Variants in GMDS observed in about 807,000 individuals in gnomAD.
GMDS encodes GDP-mannose 4,6-dehydratase, also known as GDP-mannose 4,6 dehydratase.
A neutral mutation model predicts 49.9 loss-of-function variants in GMDS; 20 were observed. The ratio of observed to expected loss-of-function variants is 0.40; its 90% CI spans 0.28 to 0.58. The LOEUF (loss-of-function observed/expected upper bound fraction) is 0.58. Among genes scored for constraint, GMDS ranks in the 20% least tolerant of loss-of-function variants. GMDS has a pLI of 0.42. For missense variants in GMDS, 362 were observed against 481.4 expected (o/e 0.75, Z 2.32); for synonymous variants, 177 against 178.6 (o/e 0.99, Z 0.07).
At chr6:2,057,424 T>A (rs751016114) in intron 4 of GMDS, among the ~76,000 whole-genome samples, 3 of 152,238 alleles carry the variant, frequency 2.0e-5, no homozygotes, top group Non-Finnish European at 4.4e-5. Context: ...TATTTTTTAA[T>A]AGAACTTAAT....
intron 4 of GMDS, among the ~76,000 whole-genome samples, chr6:2,009,825 G>A (rs1005848369): frequency 7.9e-5 from 12 of 152,094 alleles, no homozygotes; most frequent in Admixed American, 3.9e-4. Flanking sequence ...CAAAAAACAC[G>A]TTACTGTACT....
Position 1,959,922 on chromosome 6 carries a change from C to T in GMDS, c.588G>A (p.Ala196=), listed in dbSNP as rs375958806. 5.4e-5 allele frequency: 87 copies of T among 1,611,418 alleles called. No homozygotes were observed. Among genetic ancestry groups the T allele is most frequent in the South Asian group, 1.9e-4 (17 of 90,736 alleles). ...AYWIVVNFRE[A]YNLFAVNGIL... is the part of the protein sequence containing the mutation. ...TGCCGTTCACTGCAAAGAGATTATA[C>T]GCCTCACGGAAGTTCACCACAATCC... Residue 196 remains alanine, a synonymous_variant, in exon 6 of 11, where the codon GCG becomes GCA. Coordinates refer to ENST00000380815, the MANE Select transcript of GMDS (RefSeq NM_001500.4).
At chr6:1,924,162 T>A (rs1327195219) in intron 7 of GMDS, among the ~76,000 whole-genome samples, 1 of 152,240 alleles carries the variant, frequency 6.6e-6, no homozygotes, top group Non-Finnish European at 1.5e-5. Context: ...CTTCAAAAGT[T>A]TCTGGCATAT....
chr6:2,009,290 C>T (rs181444456), intron 4 of GMDS, among the ~76,000 whole-genome samples: 223 of 152,304 alleles, frequency 1.5e-3, no homozygotes, highest in African/African-American at 5.3e-3. Context: ...GTGAAACAGG[C>T]TCCATTTAGG....
intron 1 of GMDS, among the ~76,000 whole-genome samples, chr6:2,192,617 G>C (rs536554136): frequency 2.6e-5 from 4 of 152,264 alleles, no homozygotes; most frequent in Admixed American, 6.5e-5. Flanking sequence ...GCATTCCTTG[G>C]TGCCAGCTGG....
chr6:2,237,237 G>C (rs1781401653), intron 1 of GMDS, among the ~76,000 whole-genome samples: 1 of 152,164 alleles, frequency 6.6e-6, no homozygotes, highest in Admixed American at 6.5e-5. Context: ...TACTACTTAT[G>C]GTAAGTCACA....
intron 4 of GMDS, among the ~76,000 whole-genome samples, chr6:1,984,941 G>A (rs926058357): frequency 6.6e-6 from 1 of 152,320 alleles, no homozygotes; most frequent in South Asian, 2.1e-4. Flanking sequence ...CTGCAAGTCT[G>A]TTGGGAGTTC....
At chr6:1,867,935 CA>C in intron 7 of GMDS, among the ~76,000 whole-genome samples, 1 of 151,874 alleles carries the variant, frequency 6.6e-6, no homozygotes, top group Non-Finnish European at 1.5e-5. Flanking sequence ...CTTCCCCCAA[CA>C]GATGATCCTA....
intron 7 of GMDS, among the ~76,000 whole-genome samples, chr6:1,896,208 A>C (rs1998519): frequency 0.097 from 14,819 of 152,162 alleles, 819 homozygotes; most frequent in South Asian, 0.16. Flanking sequence ...GAGGATGTTC[A>C]GCAGCATCCT....
intron 7 of GMDS, among the ~76,000 whole-genome samples, chr6:1,912,805 C>T (rs1253060291): frequency 6.6e-6 from 1 of 152,142 alleles, no homozygotes; most frequent in Non-Finnish European, 1.5e-5. Flanking sequence ...TTTTCAAAAT[C>T]TGTAGAATAT....
chr6:1,646,405 C>T (rs968130635), intron 9 of GMDS, among the ~76,000 whole-genome samples: 1 of 152,178 alleles, frequency 6.6e-6, no homozygotes, highest in African/African-American at 2.4e-5. Flanking sequence ...CAAACTCTCA[C>T]CCTGACCTCC....
chr6:1,922,714 C>T (rs1015823514), intron 7 of GMDS, among the ~76,000 whole-genome samples: 2 of 152,294 alleles, frequency 1.3e-5, no homozygotes, highest in African/African-American at 4.8e-5. Flanking sequence ...CAGAGAGCAG[C>T]TGGACTTTGG....
chr6:1,647,024 G>A (rs1763506708), intron 9 of GMDS, among the ~76,000 whole-genome samples: 1 of 152,206 alleles, frequency 6.6e-6, no homozygotes, highest in South Asian at 2.1e-4. Flanking sequence ...GCCCTGGCTA[G>A]GGAGGAAGGA....
At chr6:2,132,793 C>G (rs1775806916) in intron 1 of GMDS, among the ~76,000 whole-genome samples, 1 of 152,172 alleles carries the variant, frequency 6.6e-6, no homozygotes, top group African/African-American at 2.4e-5. Flanking sequence ...CCGGACAGTT[C>G]AGTGCTGATG....
intron 4 of GMDS, among the ~76,000 whole-genome samples, chr6:1,990,035 G>A (rs181663015): frequency 6.6e-6 from 1 of 152,244 alleles, no homozygotes; most frequent in African/African-American, 2.4e-5. Context: ...AATGGCTCAC[G>A]CCTGTAATCC....
chr6:1,963,802 C>T (rs1177528786), intron 4 of GMDS, among the ~76,000 whole-genome samples: 1 of 152,170 alleles, frequency 6.6e-6, no homozygotes, highest in Non-Finnish European at 1.5e-5. Context: ...AACCACTTCC[C>T]CTGGCCGTAG....
chr6:1,629,923 C>T (rs878893282), intron 9 of GMDS, among the ~76,000 whole-genome samples: 14 of 152,102 alleles, frequency 9.2e-5, no homozygotes, highest in Admixed American at 3.9e-4. Flanking sequence ...GTAGAGCTTT[C>T]GTGGAAAGTA....
At chr6:1,697,999 G>T (rs1765402984) in intron 9 of GMDS, among the ~76,000 whole-genome samples, 1 of 152,226 alleles carries the variant, frequency 6.6e-6, no homozygotes, top group African/African-American at 2.4e-5. Flanking sequence ...ACCTTTAGGG[G>T]AGTCAAGCAT....
In GMDS at chr6:2,140,631, T is replaced by A. The variant is rs116502277; in HGVS notation, c.103-15900A>T. On this transcript the variant is annotated intron_variant, in intron 1 of 10. Coordinates refer to ENST00000380815, the MANE Select transcript of GMDS (RefSeq NM_001500.4). ...AAAGAGAGAGCTGGTGGTGAAAGCATGCACCTTTTAGCATCTGGCATACCT... is the reference window on the plus strand; with the variant it reads ...AAAGAGAGAGCTGGTGGTGAAAGCAAGCACCTTTTAGCATCTGGCATACCT... 5.7e-3 allele frequency among the ~76,000 whole-genome samples: 866 copies of A among 152,318 alleles called. 2 individuals are homozygous for A. The highest frequency in any genetic ancestry group is 0.017 in the Middle Eastern group (5 of 294).
Sources: gnomAD v4.1 joint callset for allele counts (sites outside exome capture counted in the v4.1 genomes callset) on GRCh38, gnomAD v4.1.1 for gene constraint, MANE v1.5 for transcripts, NCBI Gene and HGNC (gene_info 2026-07-23, HGNC 2026-07-21) for gene names.